Variants in ASTN2 observed in about 807,000 individuals in gnomAD.
ASTN2 encodes the protein astrotactin 2, also known as astrotactin-2.
A neutral mutation model predicts 139.8 loss-of-function variants in ASTN2; 54 were observed. The observed-to-expected ratio is 0.39, with a 90% CI of 0.31 to 0.48. The LOEUF (loss-of-function observed/expected upper bound fraction) is 0.48, where lower values mean the gene tolerates loss of function less well. Among genes scored for constraint, ASTN2 ranks in the 20% least tolerant of loss-of-function variants. The pLI is 0.95. For synonymous variants in ASTN2, 756 were observed against 719.5 expected (o/e 1.05, Z -0.81); for missense variants, 1,565 against 1,725.1 (o/e 0.91, Z 1.64).
chr9:116,672,661 T>C (rs1314625427), intron 16 of ASTN2, among the ~76,000 whole-genome samples: 4 of 152,250 alleles, frequency 2.6e-5, no homozygotes, highest in African/African-American at 7.2e-5. Context: ...AGATGACTAC[T>C]ATTATCCCCC....
chr9:116,745,270 T>G (rs1829204483), intron 13 of ASTN2, among the ~76,000 whole-genome samples: 1 of 152,192 alleles, frequency 6.6e-6, no homozygotes, highest in Non-Finnish European at 1.5e-5. Context: ...TTTCGACTTG[T>G]GCATTCTCAA....
At chr9:116,948,766 A>G (rs1306626231) in intron 10 of ASTN2, among the ~76,000 whole-genome samples, 4 of 124,830 alleles carry the variant, frequency 3.2e-5, no homozygotes, top group Non-Finnish European at 1.7e-5. Flanking sequence ...AGAGAGAGAG[A>G]GGAGAGAAAT....
At chr9:117,210,114 T>A (rs1832071690) in intron 3 of ASTN2, among the ~76,000 whole-genome samples, 1 of 151,900 alleles carries the variant, frequency 6.6e-6, no homozygotes, top group African/African-American at 2.4e-5. Context: ...TAGAAAGATT[T>A]CAAATCAATA....
At chr9:117,262,496 C>A (rs1833848772) in intron 2 of ASTN2, among the ~76,000 whole-genome samples, 1 of 151,754 alleles carries the variant, frequency 6.6e-6, no homozygotes. Context: ...AAATGATACC[C>A]CTTCAACACC....
At chr9:116,500,395 A>G (rs1849813965) in intron 19 of ASTN2, among the ~76,000 whole-genome samples, 2 of 152,150 alleles carry the variant, frequency 1.3e-5, no homozygotes, top group Non-Finnish European at 2.9e-5. Context: ...CAGATCACAC[A>G]TTTCTAACCC....
At chr9:117,189,621 A>G (rs770622071) in intron 3 of ASTN2, among the ~76,000 whole-genome samples, 8 of 152,236 alleles carry the variant, frequency 5.3e-5, no homozygotes, top group Non-Finnish European at 2.9e-5. Context: ...TCTTACAAGA[A>G]TACTGCAAAA....
chr9:117,292,528 T>A (rs573836235), intron 1 of ASTN2, among the ~76,000 whole-genome samples: 2 of 152,138 alleles, frequency 1.3e-5, no homozygotes, highest in African/African-American at 4.8e-5. Flanking sequence ...TGGAGGATTA[T>A]TAGGTCTGCA....
chr9:116,751,173 G>C (rs10732384), intron 13 of ASTN2, among the ~76,000 whole-genome samples: 3 of 146,704 alleles, frequency 2.0e-5, no homozygotes, highest in African/African-American at 8.3e-5. Context: ...AATGAGGACC[G>C]TAATAGTACC....
intron 4 of ASTN2, among the ~76,000 whole-genome samples, chr9:117,106,162 C>T (rs897203684): frequency 6.6e-6 from 1 of 152,144 alleles, no homozygotes; most frequent in Non-Finnish European, 1.5e-5. Flanking sequence ...TGATGGTCCT[C>T]AGTCATCTGA....
chr9:116,734,001 T>C (rs1487665273), intron 13 of ASTN2, among the ~76,000 whole-genome samples: 1 of 151,748 alleles, frequency 6.6e-6, no homozygotes, highest in East Asian at 1.9e-4. Flanking sequence ...AAGACTAGGC[T>C]GAAAAAAAGA....
chr9:117,003,794 T>A (rs1837264429), intron 7 of ASTN2, among the ~76,000 whole-genome samples: 1 of 151,424 alleles, frequency 6.6e-6, no homozygotes. Flanking sequence ...GGGGACCCCT[T>A]CTGTTCCTTC....
intron 16 of ASTN2, among the ~76,000 whole-genome samples, chr9:116,675,018 G>A (rs1054474287): frequency 1.1e-4 from 16 of 152,110 alleles, no homozygotes; most frequent in Non-Finnish European, 2.4e-4. Flanking sequence ...CAGTGGGCAA[G>A]GTGAACCCCC....
At chr9:116,755,466 C>T (rs1829509770) in intron 13 of ASTN2, among the ~76,000 whole-genome samples, 1 of 152,164 alleles carries the variant, frequency 6.6e-6, no homozygotes, top group Admixed American at 6.5e-5. Flanking sequence ...TGTGCACAGA[C>T]AGAGGAAAGA....
chr9:117,371,568 G>C (rs1829991637), intron 1 of ASTN2, among the ~76,000 whole-genome samples: 1 of 152,108 alleles, frequency 6.6e-6, no homozygotes, highest in Non-Finnish European at 1.5e-5. Flanking sequence ...CCCCCCAATA[G>C]TTGTGTGACC....
intron 19 of ASTN2, among the ~76,000 whole-genome samples, chr9:116,513,067 T>G (rs1264609586): frequency 6.6e-6 from 1 of 152,150 alleles, no homozygotes; most frequent in South Asian, 2.1e-4. Context: ...TTATTTTGCT[T>G]GTTAGTTGAT....
intron 4 of ASTN2, among the ~76,000 whole-genome samples, chr9:117,115,558 C>G (rs2050272): frequency 0.55 from 83,274 of 151,980 alleles, 23,457 homozygotes; most frequent in African/African-American, 0.71. Flanking sequence ...CTATTCTATA[C>G]TATGGTCACA....
intron 19 of ASTN2, among the ~76,000 whole-genome samples, chr9:116,509,781 G>A (rs933506298): frequency 2.6e-5 from 4 of 152,162 alleles, no homozygotes; most frequent in Admixed American, 1.3e-4. Context: ...ATTTTTGCAC[G>A]TGTCTGTAGG....
At chr9:116,669,911 T>G (rs1859090345) in intron 16 of ASTN2, among the ~76,000 whole-genome samples, 1 of 151,966 alleles carries the variant, frequency 6.6e-6, no homozygotes. Flanking sequence ...GTTCAAGCAA[T>G]TCTCTGCCTC....
rs1451539333 is a variant in ASTN2 at position 116,569,379 on chromosome 9, T to C, written c.3355+48945A>G. Reference sequence around the variant, plus strand: ...GCTTAACGTAGTTCCTGGCACAATATTAAGTACTTCATAAATGTTTGCTGT... The same window carrying C: ...GCTTAACGTAGTTCCTGGCACAATACTAAGTACTTCATAAATGTTTGCTGT... On this transcript the variant is annotated intron_variant, in intron 19 of 22. Coordinates refer to ENST00000313400, the MANE Select transcript of ASTN2 (RefSeq NM_001365068.1). 1.1e-4 allele frequency among the ~76,000 whole-genome samples: 16 copies of C among 152,358 alleles called. No individual in the cohort carries two copies. In the South Asian group the frequency reaches 3.3e-3, roughly 32 times the overall value.
Sources: gnomAD v4.1 joint callset for allele counts (sites outside exome capture counted in the v4.1 genomes callset) on GRCh38, gnomAD v4.1.1 for gene constraint, MANE v1.5 for transcripts, NCBI Gene and HGNC (gene_info 2026-07-23, HGNC 2026-07-21) for gene names.